The following TMEM232 variants were observed in gnomAD, a reference collection of about 807,000 sequenced individuals.
TMEM232 encodes the protein transmembrane protein 232.
A neutral mutation model predicts 78.8 loss-of-function variants in TMEM232; 80 were observed. The ratio of observed to expected loss-of-function variants is 1.01; its 90% confidence interval spans 0.85 to 1.22. TMEM232 has a LOEUF of 1.22. Ranked by LOEUF, TMEM232 falls within the 50% of genes most tolerant of loss-of-function variation. The pLI, the probability that TMEM232 is intolerant of heterozygous loss-of-function variation, is 0.00. For synonymous variants in TMEM232, 297 were observed against 254.3 expected (o/e 1.17, Z -1.60); for missense variants, 881 against 742.2 (o/e 1.19, Z -2.17).
At chr5:110,435,267 TA>T (rs1401782740) in intron 12 of TMEM232, among the ~76,000 whole-genome samples, 32 of 151,772 alleles carry the variant, frequency 2.1e-4, no homozygotes, top group Non-Finnish European at 3.7e-4. Flanking sequence ...CAGTAGTGTT[TA>T]CTTTAAGTTT....
chr5:110,696,711 A>G (rs1794827412), intron 1 of TMEM232, among the ~76,000 whole-genome samples: 1 of 152,206 alleles, frequency 6.6e-6, no homozygotes, highest in Non-Finnish European at 1.5e-5. Context: ...TGCTTCAAAG[A>G]GAATAAAATA....
intron 1 of TMEM232, among the ~76,000 whole-genome samples, chr5:110,735,372 G>A (rs1799053328): frequency 6.6e-6 from 1 of 152,104 alleles, no homozygotes; most frequent in Non-Finnish European, 1.5e-5. Flanking sequence ...TTGGGGGGTG[G>A]TTATACTATT....
At chr5:110,710,143 C>T (rs949039480) in intron 1 of TMEM232, among the ~76,000 whole-genome samples, 31 of 152,010 alleles carry the variant, frequency 2.0e-4, no homozygotes, top group African/African-American at 7.5e-4. Context: ...CAACTCTACG[C>T]CAAAAAATCA....
chr5:110,736,481 T>A (rs1412184511), intron 1 of TMEM232, among the ~76,000 whole-genome samples: 1 of 152,216 alleles, frequency 6.6e-6, no homozygotes, highest in Non-Finnish European at 1.5e-5. Flanking sequence ...CTATTGTGTA[T>A]CTTTAGTAGA....
intron 12 of TMEM232, among the ~76,000 whole-genome samples, chr5:110,497,631 T>C (rs1205028443): frequency 1.3e-5 from 2 of 152,178 alleles, no homozygotes; most frequent in Non-Finnish European, 2.9e-5. Context: ...AGCACCTAAA[T>C]GGCAAAAGCT....
At chr5:110,591,908 A>C (rs1779588878) in intron 10 of TMEM232, among the ~76,000 whole-genome samples, 1 of 152,158 alleles carries the variant, frequency 6.6e-6, no homozygotes, top group Non-Finnish European at 1.5e-5. Context: ...TCTCCCAATA[A>C]GTATTTTGAA....
intron 10 of TMEM232, among the ~76,000 whole-genome samples, chr5:110,598,803 T>C (rs1047594377): frequency 1.5e-5 from 2 of 136,480 alleles, no homozygotes; most frequent in Non-Finnish European, 3.0e-5. Context: ...TAGATGGGAA[T>C]TGAACAATAA....
At chr5:110,665,583 G>C (rs1047360109) in intron 2 of TMEM232, among the ~76,000 whole-genome samples, 1 of 151,992 alleles carries the variant, frequency 6.6e-6, no homozygotes, top group African/African-American at 2.4e-5. Context: ...GACTGCATAA[G>C]GACTCACTCA....
chr5:110,457,248 G>A (rs1046102983), intron 12 of TMEM232, among the ~76,000 whole-genome samples: 3 of 152,066 alleles, frequency 2.0e-5, no homozygotes, highest in Non-Finnish European at 4.4e-5. Context: ...ATGTATGGAT[G>A]CTGAGTACAA....
At chr5:110,536,183 A>C (rs1321950430) in intron 11 of TMEM232, among the ~76,000 whole-genome samples, 2 of 152,152 alleles carry the variant, frequency 1.3e-5, no homozygotes, top group Non-Finnish European at 2.9e-5. Context: ...AGGCAACTGC[A>C]GGTTTCCGGC....
chr5:110,680,529 G>A (rs930693247), intron 1 of TMEM232, among the ~76,000 whole-genome samples: 26 of 151,340 alleles, frequency 1.7e-4, no homozygotes, highest in African/African-American at 5.6e-4. Flanking sequence ...TCTTTTTCTT[G>A]GTCTTCTTTT....
In TMEM232 at chr5:110,650,679, A is replaced by C. The variant is rs575741140; in HGVS notation, c.126-8308T>G. The stretch of plus-strand genomic sequence containing the variant: ...CAAAATTGTCATGGTCATTAAAAAC[A>C]AAGTCTGAGAAACTGTCCCAGCCTA... On this transcript the variant is annotated intron_variant, in intron 2 of 13. Coordinates refer to ENST00000455884, the MANE Select transcript of TMEM232 (RefSeq NM_001039763.4). Among the ~76,000 whole-genome samples, 11 of 152,298 alleles carry C rather than the reference A, an allele frequency of 7.2e-5. No homozygotes were observed. The South Asian group carries it at 2.3e-3, about 32-fold the overall frequency.
chr5:110,393,025 C>A (rs1339853703), intron 3 of TMEM232, among the ~76,000 whole-genome samples: 3 of 152,182 alleles, frequency 2.0e-5, no homozygotes, highest in Non-Finnish European at 2.9e-5. Context: ...AATTCTGTTA[C>A]TGTGTCAGAA....
At chr5:110,652,294 G>GCGCACACACACACACACACACACACA (rs1554069154) in intron 2 of TMEM232, among the ~76,000 whole-genome samples, 44 of 145,450 alleles carry the variant, frequency 3.0e-4, no homozygotes, top group African/African-American at 1.0e-3. Flanking sequence ...GCACGCGCGC[G>GCGCACACACACACACACACACACACA]CACACACACA....
chr5:110,479,558 TTTTA>T (rs1763636271), intron 12 of TMEM232, among the ~76,000 whole-genome samples: 1 of 151,866 alleles, frequency 6.6e-6, no homozygotes, highest in Non-Finnish European at 1.5e-5. Flanking sequence ...TATATATCAT[TTTTA>T]TTTGATTCTT....
chr5:110,460,795 A>C (rs2149354154), intron 12 of TMEM232, among the ~76,000 whole-genome samples: 1 of 151,956 alleles, frequency 6.6e-6, no homozygotes, highest in Non-Finnish European at 1.5e-5. Context: ...TTCCCACAAT[A>C]TTTAAAACAT....
intron 2 of TMEM232, among the ~76,000 whole-genome samples, chr5:110,409,896 G>T (rs750010359): frequency 5.3e-5 from 8 of 152,158 alleles, no homozygotes; most frequent in Non-Finnish European, 8.8e-5. Context: ...AAGGCAAAGA[G>T]TTCACTATAC....
intron 1 of TMEM232, among the ~76,000 whole-genome samples, chr5:110,688,634 G>C (rs750328992): frequency 3.3e-5 from 5 of 152,118 alleles, no homozygotes; most frequent in Non-Finnish European, 7.4e-5. Context: ...ATATAGATGG[G>C]ACAATTGACC....
At chr5:110,633,206 A>C (rs1290696866) in intron 5 of TMEM232, among the ~76,000 whole-genome samples, 1 of 152,230 alleles carries the variant, frequency 6.6e-6, no homozygotes, top group Non-Finnish European at 1.5e-5. Context: ...ATTCATTATC[A>C]ATAGACTAGG....
Sources: gnomAD v4.1 joint callset for allele counts (sites outside exome capture counted in the v4.1 genomes callset) on GRCh38, gnomAD v4.1.1 for gene constraint, MANE v1.5 for transcripts, NCBI Gene and HGNC (gene_info 2026-07-23, HGNC 2026-07-21) for gene names.